Variants in CPVL observed in about 807,000 individuals in gnomAD.
CPVL encodes the protein carboxypeptidase vitellogenic like.
In CPVL, 51 loss-of-function variants were observed where a neutral mutation model predicts 63.7. The observed-to-expected ratio is 0.80, with a 90% confidence interval of 0.64 to 1.01. The LOEUF (loss-of-function observed/expected upper bound fraction) is 1.01, where lower values mean the gene tolerates loss of function less well. CPVL is among the 50% of genes least tolerant of loss of function. The pLI, the probability that CPVL is intolerant of heterozygous loss-of-function variation, is 0.00. For missense variants in CPVL, 530 were observed against 573.1 expected, an observed-to-expected ratio of 0.92 and a Z score of 0.77; for synonymous variants, 195 against 206.0, an observed-to-expected ratio of 0.95 and a Z score of 0.46.
chr7:29,165,171 T>C (rs1795743357), intron 5 of CPVL, among the ~76,000 whole-genome samples: 1 of 152,198 alleles, frequency 6.6e-6, no homozygotes, highest in Non-Finnish European at 1.5e-5. Context: ...TAATATAGTT[T>C]TTGATTTATG....
At chr7:29,103,245 TTTG>T (rs1315036558) in intron 3 of CPVL, among the ~76,000 whole-genome samples, 2 of 59,320 alleles carry the variant, frequency 3.4e-5, no homozygotes, top group Admixed American at 1.7e-4. Flanking sequence ...TAATTGTTGT[TTTG>T]TTTTTTTTTT....
At chr7:29,028,966 C>CAAA (rs59054295) in intron 12 of CPVL, among the ~76,000 whole-genome samples, 16,741 of 88,106 alleles carry the variant, frequency 0.19, 1,316 homozygotes, top group Middle Eastern at 0.24. Flanking sequence ...GACTCCATCT[C>CAAA]AAAAAAAAAA....
At chr7:29,098,550 T>A (rs2128614350) in intron 3 of CPVL, among the ~76,000 whole-genome samples, 1 of 152,322 alleles carries the variant, frequency 6.6e-6, no homozygotes, top group East Asian at 1.9e-4. Context: ...TTATTATGAC[T>A]AAGGAAACAG....
intron 7 of CPVL, chr7:29,082,569 A>G (rs1784840046): frequency 6.6e-6 from 1 of 150,986 alleles, no homozygotes; most frequent in African/African-American, 2.5e-5. Context: ...TTTCTTCTGA[A>G]AAGAGCAGTG....
At chr7:29,118,670 A>G (rs887764968) in intron 2 of CPVL, among the ~76,000 whole-genome samples, 1 of 152,220 alleles carries the variant, frequency 6.6e-6, no homozygotes, top group African/African-American at 2.4e-5. Context: ...GAAAACCAAA[A>G]AACAATGACA....
intron 3 of CPVL, among the ~76,000 whole-genome samples, chr7:29,098,594 G>A (rs1181032314): frequency 6.6e-6 from 1 of 152,190 alleles, no homozygotes; most frequent in Non-Finnish European, 1.5e-5. Flanking sequence ...TCCGACTGAG[G>A]CCTCTGATGA....
At chr7:29,164,143 G>A (rs1795573352) in intron 5 of CPVL, among the ~76,000 whole-genome samples, 1 of 152,110 alleles carries the variant, frequency 6.6e-6, no homozygotes. Flanking sequence ...AGTTTTAGTT[G>A]CTCCATATCC....
chr7:29,056,945 T>C (rs1189199204), intron 11 of CPVL, among the ~76,000 whole-genome samples: 1 of 101,536 alleles, frequency 9.8e-6, no homozygotes, highest in Non-Finnish European at 2.1e-5. Flanking sequence ...CATCTTTTCC[T>C]TTTCTTTTTT....
chr7:29,142,260 G>A (rs976387087), intron 1 of CPVL, among the ~76,000 whole-genome samples: 1 of 152,014 alleles, frequency 6.6e-6, no homozygotes, highest in African/African-American at 2.4e-5. Flanking sequence ...TTTATTTTTT[G>A]CTCCAAGGAC....
rs569263576 is a variant in CPVL, at chr7:29,038,308, A to G, written c.1138-7549T>C. 2.6e-5 allele frequency among the ~76,000 whole-genome samples: 4 copies of G among 152,220 alleles called. No individual in the cohort carries two copies. The South Asian group carries it at 6.2e-4, about 24-fold the overall frequency. On this transcript the variant is annotated intron_variant, in intron 11 of 12. Transcript: ENST00000265394. The stretch of plus-strand genomic sequence containing the variant: ...ATGAATGGAATTAGTGCCCCTACAA[A>G]AGAGACCTCAGAGAGCTCTCTATTA...
chr7:29,003,109 AATAGT>A (rs1362620250), intron 12 of CPVL, among the ~76,000 whole-genome samples: 2 of 152,076 alleles, frequency 1.3e-5, no homozygotes, highest in East Asian at 3.9e-4. Context: ...TAGTACACAT[AATAGT>A]ATATTAGTAA....
Position 29,030,775 on chromosome 7 carries a change from G to A in CPVL, c.1138-16C>T, listed in dbSNP as rs1169617652. 2 of 1,587,618 alleles carry A rather than the reference G, an allele frequency of 1.3e-6. No individual in the cohort carries two copies. The highest frequency in any genetic ancestry group is 2.7e-5 in the African/African-American group (2 of 73,416). ...AGATCAGAACCTGAAATGAAATCAA[G>A]CCATCAGCAAATGCAAGATTCAGGA... On this transcript the variant is annotated splice_polypyrimidine_tract_variant and intron_variant, in intron 11 of 12. Coordinates refer to ENST00000265394, the MANE Select transcript of CPVL (RefSeq NM_031311.5).
chr7:29,176,773 A>G (rs1447489859), intron 5 of CPVL, among the ~76,000 whole-genome samples: 1 of 152,224 alleles, frequency 6.6e-6, no homozygotes, highest in Non-Finnish European at 1.5e-5. Flanking sequence ...TTAAAAAACG[A>G]GATTGAGCTG....
At chr7:29,046,559 GCGCGCGTGCACA>G (rs1789633482) in intron 11 of CPVL, among the ~76,000 whole-genome samples, 1 of 84,910 alleles carries the variant, frequency 1.2e-5, no homozygotes, top group African/African-American at 6.0e-5. Flanking sequence ...ACATGCACGT[GCGCGCGTGCACA>G]CACACACACA....
intron 11 of CPVL, among the ~76,000 whole-genome samples, chr7:29,055,632 T>G (rs1257120742): frequency 6.6e-6 from 1 of 152,190 alleles, no homozygotes; most frequent in Non-Finnish European, 1.5e-5. Flanking sequence ...CCTCCACATG[T>G]CCCAGCCCTG....
chr7:29,181,091 C>T (rs1798007809), intron 5 of CPVL, among the ~76,000 whole-genome samples: 1 of 152,148 alleles, frequency 6.6e-6, no homozygotes, highest in South Asian at 2.1e-4. Context: ...AATGGGAGGC[C>T]ATTTTTTCCT....
At chr7:29,180,674 A>G (rs567642029) in intron 5 of CPVL, among the ~76,000 whole-genome samples, 1 of 152,332 alleles carries the variant, frequency 6.6e-6, no homozygotes, top group South Asian at 2.1e-4. Flanking sequence ...TATAATTACT[A>G]TGTAAAGAGT....
At chr7:29,152,830 T>A (rs148389656) in intron 5 of CPVL, among the ~76,000 whole-genome samples, 4 of 152,340 alleles carry the variant, frequency 2.6e-5, no homozygotes, top group Admixed American at 1.3e-4. Context: ...ATACACTCGA[T>A]CCTTGTTATT....
chr7:29,164,795 A>AC (rs1795691231), intron 5 of CPVL, among the ~76,000 whole-genome samples: 1 of 151,626 alleles, frequency 6.6e-6, no homozygotes. Flanking sequence ...AAAAAAAAAA[A>AC]AAAAAACAAA....
Sources: allele counts gnomAD v4.1 joint callset (sites outside exome capture counted in the v4.1 genomes callset), GRCh38; gene constraint gnomAD v4.1.1; transcripts MANE v1.5; gene names NCBI Gene and HGNC (gene_info 2026-07-23, HGNC 2026-07-21).